Variants in CEP85 observed in about 807,000 individuals in gnomAD.
CEP85 encodes the protein centrosomal protein 85, also known as centrosomal protein of 85 kDa.
In CEP85, 58 loss-of-function variants were observed where a neutral mutation model predicts 93.7. The ratio of observed to expected loss-of-function variants is 0.62; its 90% CI spans 0.50 to 0.77. CEP85 has a LOEUF of 0.77. CEP85 is among the 30% of genes least tolerant of loss of function. The pLI is 0.00. For missense variants in CEP85, 868 were observed against 922.0 expected, an observed-to-expected ratio of 0.94 and a Z score of 0.76; for synonymous variants, 314 against 338.6, an observed-to-expected ratio of 0.93 and a Z score of 0.80.
intron 2 of CEP85, among the ~76,000 whole-genome samples, chr1:26,243,859 G>A (rs1446769082): frequency 1.4e-4 from 21 of 151,972 alleles, no homozygotes; most frequent in African/African-American, 4.3e-4. Flanking sequence ...TTAACTGGGC[G>A]TGGTGGTGGG....
At chr1:26,262,286 A>G (rs991858929) in intron 7 of CEP85, among the ~76,000 whole-genome samples, 1 of 151,926 alleles carries the variant, frequency 6.6e-6, no homozygotes, top group African/African-American at 2.4e-5. Context: ...CCAGCCTGGC[A>G]ACAGAGCAAG....
intron 11 of CEP85, among the ~76,000 whole-genome samples, chr1:26,272,758 AGCTGGTATTACGGGT>A (rs1247920907): frequency 2.0e-5 from 3 of 150,850 alleles, no homozygotes; most frequent in Non-Finnish European, 4.4e-5. Context: ...CCTCCCGAGT[AGCTGGTATTACGGGT>A]GCCCACCATC....
chr1:26,270,704 G>A (rs927957051), intron 9 of CEP85, among the ~76,000 whole-genome samples: 1 of 152,292 alleles, frequency 6.6e-6, no homozygotes. Flanking sequence ...CAATGTACAT[G>A]TATGACTTAC....
At chr1:26,276,494 C>A in intron 12 of CEP85, 41 bp from the exon 13 acceptor site, 1 of 1,495,354 alleles carries the variant, frequency 6.7e-7, no homozygotes. Context: ...TCTTCCTCTC[C>A]CTGGGCCTGA....
intron 2 of CEP85, among the ~76,000 whole-genome samples, chr1:26,240,221 G>A (rs77859050): frequency 6.6e-6 from 1 of 152,282 alleles, no homozygotes; most frequent in East Asian, 1.9e-4. Flanking sequence ...GATGCCAACA[G>A]ATTCCGTTGC....
chr1:26,263,767 G>GAT (rs142573541), intron 7 of CEP85, among the ~76,000 whole-genome samples: 62 of 150,582 alleles, frequency 4.1e-4, no homozygotes, highest in African/African-American at 5.1e-4. Flanking sequence ...TCTTTCACCT[G>GAT]ATATATATAT....
intron 8 of CEP85, 36 bp downstream of exon 8, chr1:26,268,671 G>C (rs1216797636): frequency 4.5e-6 from 7 of 1,559,548 alleles, no homozygotes; most frequent in Non-Finnish European, 6.1e-6. Context: ...GGGGTGATCA[G>C]GGAGTGGCCA....
At chr1:26,240,313 C>T (rs1394756548) in intron 2 of CEP85, among the ~76,000 whole-genome samples, 1 of 152,148 alleles carries the variant, frequency 6.6e-6, no homozygotes, top group Non-Finnish European at 1.5e-5. Context: ...TAAATATATA[C>T]AGTCCTTAAG....
chr1:26,248,516 G>A (rs543529336), intron 3 of CEP85, among the ~76,000 whole-genome samples: 13 of 151,770 alleles, frequency 8.6e-5, no homozygotes, highest in African/African-American at 2.7e-4. Flanking sequence ...TTATTTTTTC[G>A]AGACAGAGTC....
chr1:26,234,922 G>A (rs749513652), intron 1 of CEP85, among the ~76,000 whole-genome samples: 37 of 152,204 alleles, frequency 2.4e-4, no homozygotes, highest in Non-Finnish European at 4.1e-4. Context: ...TCCAGGGCTT[G>A]CTACTGGCAT....
chr1:26,274,528 T>C (rs1000048576), intron 11 of CEP85, among the ~76,000 whole-genome samples: 31 of 152,324 alleles, frequency 2.0e-4, no homozygotes, highest in African/African-American at 6.7e-4. Flanking sequence ...TAGATCTGAT[T>C]TGCAGATTGA....
chr1:26,262,885 T>C (rs2089833645), intron 7 of CEP85, among the ~76,000 whole-genome samples: 1 of 152,182 alleles, frequency 6.6e-6, no homozygotes, highest in South Asian at 2.1e-4. Context: ...GATAGGCACA[T>C]GCCACCACAC....
At chr1:26,252,253 C>T (rs2089629891) in intron 3 of CEP85, among the ~76,000 whole-genome samples, 1 of 141,494 alleles carries the variant, frequency 7.1e-6, no homozygotes, top group African/African-American at 2.7e-5. Context: ...AAAAATTGGG[C>T]CGGGGGCAGT....
chr1:26,255,071 G>A (rs2089674358), intron 3 of CEP85, 100 bp from the exon 4 acceptor site: 3 of 920,540 alleles, frequency 3.3e-6, no homozygotes, highest in Non-Finnish European at 5.1e-6. Context: ...TGCTCTCTCT[G>A]CTTGGTCTCA....
chr1:26,258,181 G>T lies in CEP85; in HGVS notation c.1076G>T (p.Arg359Leu). 6.2e-7 allele frequency: 1 copy of T among 1,614,116 alleles called. No individual in the cohort carries two copies. The highest frequency in any genetic ancestry group is 1.3e-5 in the African/African-American group (1 of 75,034). Residue 359 changes from arginine (R) to leucine (L), a missense_variant, in exon 6 of 14, where the codon CGA becomes CTA. Physicochemically the swap from Arg to Leu is moderately radical, Grantham distance 102 (BLOSUM62 -2). Transcript: ENST00000451429. ...ATCTCTCAGCTGGAGCAGAAAGTGC[G>T]AGAGAGCGAACTGCAAGTCCACAGT... ...KHISQLEQKV[R>L]ESELQVHSAL...
At chr1:26,251,398 T>C (rs958721330) in intron 3 of CEP85, among the ~76,000 whole-genome samples, 1 of 151,984 alleles carries the variant, frequency 6.6e-6, no homozygotes, top group Non-Finnish European at 1.5e-5. Flanking sequence ...ACTACAGGCA[T>C]GCGTCACCAC....
intron 3 of CEP85, among the ~76,000 whole-genome samples, chr1:26,249,672 C>T (rs1313389368): frequency 6.6e-6 from 1 of 152,044 alleles, no homozygotes; most frequent in Non-Finnish European, 1.5e-5. Context: ...ACTGAAGTGA[C>T]TGAGATTTGG....
chr1:26,277,948 C>CA lies in CEP85; in HGVS notation c.*655_*656insA, dbSNP rs2090077335. 1 of 152,766 alleles carries CA rather than the reference C, an allele frequency of 6.5e-6. No homozygotes were observed. The highest frequency in any genetic ancestry group is 1.5e-5 in the Non-Finnish European group (1 of 68,162). 9.5% of individuals were successfully genotyped at this position (152,766 alleles called of 1,614,324 possible). A position where few individuals can be genotyped will look rare whatever the true frequency, so the allele number is the denominator to read the frequency against. ...GCCATTTAACAAGAGATCCCACTCTCCAGCTGCCTTGTGTCCCTAGGGTCC... is the reference window on the plus strand; with the variant it reads ...GCCATTTAACAAGAGATCCCACTCTCACAGCTGCCTTGTGTCCCTAGGGTCC... On this transcript the variant is annotated 3_prime_UTR_variant, in exon 14 of 14. Transcript: ENST00000451429.
At chr1:26,236,340 G>T (rs1417237820) in intron 1 of CEP85, among the ~76,000 whole-genome samples, 6 of 151,698 alleles carry the variant, frequency 4.0e-5, no homozygotes, top group African/African-American at 1.5e-4. Flanking sequence ...TTGAATGAGT[G>T]ACTGTTTCTG....
Sources: gnomAD v4.1 joint callset for allele counts (sites outside exome capture counted in the v4.1 genomes callset) on GRCh38, gnomAD v4.1.1 for gene constraint, MANE v1.5 for transcripts, NCBI Gene and HGNC (gene_info 2026-07-23, HGNC 2026-07-21) for gene names.